The following FSTL4 variants were observed in gnomAD, a reference collection of about 807,000 sequenced individuals.
The protein encoded by FSTL4 is follistatin-related protein 4.
FSTL4 carries 28 observed loss-of-function variants against 78.2 expected under a neutral mutation model. The ratio of observed to expected loss-of-function variants is 0.36; its 90% CI spans 0.27 to 0.49. The LOEUF is 0.49. FSTL4 is among the 20% of genes least tolerant of loss of function. FSTL4 has a pLI of 0.98. For synonymous variants in FSTL4, 422 were observed against 440.5 expected, an observed-to-expected ratio of 0.96 and a Z score of 0.53; for missense variants, 922 against 1,084.9, an observed-to-expected ratio of 0.85 and a Z score of 2.11.
chr5:133,199,653 G>A lies in FSTL4; in HGVS notation c.1971C>T (p.Phe657=), dbSNP rs1750257825. 6.2e-7 allele frequency: 1 copy of A among 1,614,190 alleles called. No homozygotes were observed. The highest frequency in any genetic ancestry group is 8.5e-7 in the Non-Finnish European group (1 of 1,180,028). The change falls in exon 16 of 16, where the codon TTC becomes TTT. Residue 657 remains phenylalanine, a synonymous_variant. Transcript: ENST00000265342. The surrounding 1 kb of genome is among the most constrained non-coding windows in gnomAD (Gnocchi z 4.4). ...MAHTHLGGYF[F]IQCRQDSPAS... ...CGGGGCTGTCCTGTCGGCACTGGATGAAGAAGTAGCCGCCCAGGTGGGTGT... is the reference window on the plus strand; with the variant it reads ...CGGGGCTGTCCTGTCGGCACTGGATAAAGAAGTAGCCGCCCAGGTGGGTGT...
chr5:133,302,050 T>C (rs968510765), intron 6 of FSTL4, among the ~76,000 whole-genome samples: 4 of 151,966 alleles, frequency 2.6e-5, no homozygotes, highest in African/African-American at 9.7e-5. Flanking sequence ...GTCCAGCCTA[T>C]AGTTCCACAA....
chr5:133,223,013 A>T (rs1480533905), intron 11 of FSTL4, among the ~76,000 whole-genome samples: 2 of 152,182 alleles, frequency 1.3e-5, no homozygotes. Flanking sequence ...TTTAGCGGGC[A>T]CTGGGGTCTT....
the FSTL4 span, among the ~76,000 whole-genome samples, chr5:133,628,550 G>C: frequency 6.6e-6 from 1 of 152,002 alleles, no homozygotes; most frequent in African/African-American, 2.4e-5. Flanking sequence ...AGTAGAGACA[G>C]AGTTTCTCCA....
At chr5:133,763,806 C>G in the FSTL4 span, among the ~76,000 whole-genome samples, 1 of 152,220 alleles carries the variant, frequency 6.6e-6, no homozygotes, top group Non-Finnish European at 1.5e-5. Context: ...GGGCAAGAGG[C>G]AGACCAAGAC....
At chr5:133,741,001 A>G in the FSTL4 span, among the ~76,000 whole-genome samples, 6 of 152,004 alleles carry the variant, frequency 3.9e-5, no homozygotes, top group African/African-American at 1.5e-4. Context: ...GGATGAATGA[A>G]TTGATGGGCA....
chr5:133,751,501 T>C, the FSTL4 span, among the ~76,000 whole-genome samples: 2 of 152,228 alleles, frequency 1.3e-5, no homozygotes, highest in African/African-American at 4.8e-5. Flanking sequence ...TTGTCAAATC[T>C]GGCTTTGGAG....
At chr5:133,667,361 T>G in the FSTL4 span, among the ~76,000 whole-genome samples, 1 of 152,242 alleles carries the variant, frequency 6.6e-6, no homozygotes, top group Non-Finnish European at 1.5e-5. Flanking sequence ...ATTCTGCCCT[T>G]GTCCTCCTAC....
intron 3 of FSTL4, among the ~76,000 whole-genome samples, chr5:133,436,264 G>A (rs1385054082): frequency 1.3e-5 from 2 of 152,176 alleles, no homozygotes; most frequent in Non-Finnish European, 2.9e-5. Flanking sequence ...GGTGGAATTG[G>A]CTCAGGAAAG....
At chr5:133,362,713 A>G (rs1305431747) in intron 4 of FSTL4, among the ~76,000 whole-genome samples, 6 of 152,244 alleles carry the variant, frequency 3.9e-5, no homozygotes, top group Admixed American at 1.3e-4. Flanking sequence ...AAAGAACACA[A>G]GGGCGAGGCT....
the FSTL4 span, among the ~76,000 whole-genome samples, chr5:133,639,707 C>T: frequency 0.016 from 2,379 of 152,288 alleles, 39 homozygotes; most frequent in Middle Eastern, 0.034. Context: ...GGGGGGAATG[C>T]TTTCTCTCTC....
the FSTL4 span, among the ~76,000 whole-genome samples, chr5:133,702,398 A>G: frequency 2.6e-5 from 4 of 152,138 alleles, no homozygotes; most frequent in Non-Finnish European, 5.9e-5. Flanking sequence ...CAAATGAGCC[A>G]ATAACCCTGG....
intron 3 of FSTL4, among the ~76,000 whole-genome samples, chr5:133,422,861 C>T (rs1756730051): frequency 6.6e-6 from 1 of 152,206 alleles, no homozygotes; most frequent in African/African-American, 2.4e-5. Context: ...TCATTCAGAC[C>T]ACTTCAAAAC....
the FSTL4 span, among the ~76,000 whole-genome samples, chr5:133,812,913 G>C: frequency 6.6e-6 from 1 of 152,190 alleles, no homozygotes; most frequent in African/African-American, 2.4e-5. Context: ...CTTCCTTCAT[G>C]GTAGCACTTC....
chr5:133,216,884 TG>T (rs1345398869), intron 13 of FSTL4, among the ~76,000 whole-genome samples: 2 of 152,224 alleles, frequency 1.3e-5, no homozygotes, highest in Non-Finnish European at 2.9e-5. Context: ...CGGTCCTACC[TG>T]GCATCTCATT....
chr5:133,609,847 AT>A, intron 1 of FSTL4, among the ~76,000 whole-genome samples: 1 of 152,316 alleles, frequency 6.6e-6, no homozygotes. Context: ...TTGCAGTTCT[AT>A]TTTATTGGAA....
At chr5:133,318,779 C>T (rs1307275025) in intron 4 of FSTL4, among the ~76,000 whole-genome samples, 1 of 152,230 alleles carries the variant, frequency 6.6e-6, no homozygotes, top group African/African-American at 2.4e-5. Flanking sequence ...CAGGATGCCC[C>T]ATCCTTGCAG....
the FSTL4 span, among the ~76,000 whole-genome samples, chr5:133,739,813 C>A: frequency 5.9e-5 from 9 of 152,050 alleles, no homozygotes; most frequent in East Asian, 1.7e-3. Flanking sequence ...GAAACTCAGG[C>A]TCAGAGAGGT....
chr5:133,795,278 G>C, the FSTL4 span, among the ~76,000 whole-genome samples: 2 of 152,218 alleles, frequency 1.3e-5, no homozygotes, highest in Non-Finnish European at 2.9e-5. Flanking sequence ...AGGGGATAGT[G>C]GGGTGGTGCA....
At chr5:133,421,501 G>A (rs1329422390) in intron 3 of FSTL4, among the ~76,000 whole-genome samples, 1 of 143,594 alleles carries the variant, frequency 7.0e-6, no homozygotes, top group Admixed American at 7.1e-5. Context: ...GAGCATATGG[G>A]ATAAGAGTTT....
Sources: allele counts gnomAD v4.1 joint callset (sites outside exome capture counted in the v4.1 genomes callset), GRCh38; gene constraint gnomAD v4.1.1; non-coding constraint Gnocchi (gnomAD v3.1); transcripts MANE v1.5; gene names NCBI Gene and HGNC (gene_info 2026-07-23, HGNC 2026-07-21).